The following ADAMTSL3 variants were observed in gnomAD, a reference collection of about 807,000 sequenced individuals.
ADAMTSL3 encodes the protein ADAMTS like 3.
ADAMTSL3 carries 128 observed loss-of-function variants against 201.7 expected under a neutral mutation model. The observed-to-expected ratio is 0.63, with a 90% CI of 0.55 to 0.73. The LOEUF is 0.73. Ranked by LOEUF, ADAMTSL3 falls within the 30% of genes least tolerant of loss-of-function variation. The probability of loss-of-function intolerance (pLI) is 0.00; values close to 1 mark genes in which losing one functional copy is unlikely to be tolerated. For synonymous variants in ADAMTSL3, 738 were observed against 748.4 expected (o/e 0.99, Z 0.23); for missense variants, 1,990 against 2,119.6 (o/e 0.94, Z 1.20).
chr15:84,025,491 T>TG (rs746121441), intron 27 of ADAMTSL3, 55 bp downstream of exon 27: 2 of 1,518,618 alleles, frequency 1.3e-6, no homozygotes, highest in Non-Finnish European at 1.8e-6. Flanking sequence ...ACAGATAGTG[T>TG]GATAATAATC....
intron 4 of ADAMTSL3, among the ~76,000 whole-genome samples, 172 bp from the exon 5 acceptor site, chr15:83,804,478 G>A (rs1053591637): frequency 6.6e-6 from 1 of 151,350 alleles, no homozygotes; most frequent in Non-Finnish European, 1.5e-5. Context: ...TTTGGCTCCC[G>A]ATCCTTGAAA....
At chr15:83,928,548 T>A (rs2066290883) in intron 17 of ADAMTSL3, among the ~76,000 whole-genome samples, 1 of 152,186 alleles carries the variant, frequency 6.6e-6, no homozygotes. Context: ...TATCACAGGA[T>A]GAAAAGAGAG....
intron 9 of ADAMTSL3, among the ~76,000 whole-genome samples, chr15:83,877,735 C>T (rs2065202835): frequency 6.6e-6 from 1 of 152,148 alleles, no homozygotes; most frequent in Non-Finnish European, 1.5e-5. Flanking sequence ...CATATCCATA[C>T]ATTTTTTAGT....
intron 3 of ADAMTSL3, among the ~76,000 whole-genome samples, chr15:83,749,308 C>T (rs892770897): frequency 3.9e-5 from 6 of 152,138 alleles, no homozygotes; most frequent in Non-Finnish European, 7.3e-5. Flanking sequence ...CAGAGAGATG[C>T]CTTCCTGCAA....
chr15:83,681,713 G>T (rs1033727547), intron 2 of ADAMTSL3, among the ~76,000 whole-genome samples: 1 of 152,122 alleles, frequency 6.6e-6, no homozygotes, highest in Non-Finnish European at 1.5e-5. Flanking sequence ...GGATGTGGTC[G>T]ACTTGCTTTC....
intron 6 of ADAMTSL3, among the ~76,000 whole-genome samples, chr15:83,828,043 A>G (rs1268087961): frequency 1.3e-5 from 2 of 152,150 alleles, no homozygotes; most frequent in Non-Finnish European, 2.9e-5. Flanking sequence ...AGTTTTTCCA[A>G]TTCTGTGAAG....
chr15:83,935,262 C>T (rs1400223904), intron 17 of ADAMTSL3, among the ~76,000 whole-genome samples: 2 of 152,032 alleles, frequency 1.3e-5, no homozygotes, highest in Non-Finnish European at 2.9e-5. Flanking sequence ...AGCGGTAATA[C>T]CCAGTGGTGA....
intron 2 of ADAMTSL3, among the ~76,000 whole-genome samples, chr15:83,661,710 T>C (rs2061166408): frequency 6.6e-6 from 1 of 151,540 alleles, no homozygotes; most frequent in South Asian, 2.1e-4. Context: ...TACAATGAAC[T>C]CAAACAAATT....
chr15:83,766,018 T>C (rs964165012), intron 3 of ADAMTSL3, among the ~76,000 whole-genome samples: 2 of 152,152 alleles, frequency 1.3e-5, no homozygotes, highest in African/African-American at 4.8e-5. Context: ...GAGCACAAAA[T>C]AAGGACTCAC....
At chr15:83,816,350 G>A (rs1412710017) in intron 5 of ADAMTSL3, among the ~76,000 whole-genome samples, 1 of 152,230 alleles carries the variant, frequency 6.6e-6, no homozygotes, top group East Asian at 1.9e-4. Context: ...TTTGCCTCTG[G>A]ATAGTCAGCT....
At chr15:83,903,920 A>AGGAAGGAAGGAAGG (rs1329970127) in intron 15 of ADAMTSL3, among the ~76,000 whole-genome samples, 54 of 58,734 alleles carry the variant, frequency 9.2e-4, no homozygotes, top group Non-Finnish European at 1.2e-3. Flanking sequence ...TCCACATCAA[A>AGGAAGGAAGGAAGG]AAAAAAAAAA....
At chr15:83,847,931 T>C (rs1438620707) in intron 7 of ADAMTSL3, among the ~76,000 whole-genome samples, 1 of 151,270 alleles carries the variant, frequency 6.6e-6, no homozygotes, top group Admixed American at 6.6e-5. Flanking sequence ...TCCTTAAAAA[T>C]AAAACCTATT....
intron 20 of ADAMTSL3, among the ~76,000 whole-genome samples, chr15:83,974,698 A>G (rs750253679): frequency 1.3e-5 from 2 of 152,210 alleles, no homozygotes; most frequent in Non-Finnish European, 2.9e-5. Context: ...TTAGAAATCT[A>G]CCTATCTTGG....
intron 20 of ADAMTSL3, among the ~76,000 whole-genome samples, chr15:83,974,445 AT>A (rs1257115877): frequency 2.0e-5 from 3 of 152,230 alleles, no homozygotes; most frequent in African/African-American, 7.2e-5. Context: ...AATATTGATT[AT>A]TTTTAAGGTC....
At chr15:83,986,619 T>A (rs2067480746) in intron 21 of ADAMTSL3, among the ~76,000 whole-genome samples, 1 of 152,248 alleles carries the variant, frequency 6.6e-6, no homozygotes, top group Non-Finnish European at 1.5e-5. Flanking sequence ...TCCCTTTACA[T>A]AACAAATGTT....
chr15:83,786,852 T>C (rs1274809346), intron 4 of ADAMTSL3, among the ~76,000 whole-genome samples: 1 of 152,204 alleles, frequency 6.6e-6, no homozygotes, highest in Non-Finnish European at 1.5e-5. Context: ...AAATGGAATA[T>C]AGTACTTGCA....
At chr15:83,724,223 C>T (rs937264355) in intron 3 of ADAMTSL3, among the ~76,000 whole-genome samples, 9 of 151,852 alleles carry the variant, frequency 5.9e-5, no homozygotes, top group African/African-American at 1.5e-4. Context: ...CTCAGCCTCC[C>T]GAGTAGCTGG....
chr15:83,929,944 G>A (rs1053922655), intron 17 of ADAMTSL3, among the ~76,000 whole-genome samples: 2 of 152,234 alleles, frequency 1.3e-5, no homozygotes, highest in African/African-American at 4.8e-5. Flanking sequence ...TATGACATTA[G>A]TTAATTCTCT....
intron 6 of ADAMTSL3, 110 bp downstream of exon 6, chr15:83,820,157 T>C (rs965895984): frequency 2.4e-5 from 22 of 935,216 alleles, no homozygotes; most frequent in Non-Finnish European, 3.6e-5. Flanking sequence ...TAAATATTGC[T>C]ATTGGCCAGG....
Sources: gnomAD v4.1 joint callset for allele counts (sites outside exome capture counted in the v4.1 genomes callset) on GRCh38, gnomAD v4.1.1 for gene constraint, MANE v1.5 for transcripts, NCBI Gene and HGNC (gene_info 2026-07-23, HGNC 2026-07-21) for gene names.